Variants in ADGRB3 observed in about 807,000 individuals in gnomAD.
ADGRB3 encodes brain-specific angiogenesis inhibitor 3.
In ADGRB3, 37 loss-of-function variants were observed where a neutral mutation model predicts 193.4. That is an observed-to-expected ratio of 0.19 (90% CI 0.15 to 0.25). The LOEUF is 0.25. ADGRB3 is among the 10% of genes least tolerant of loss of function. ADGRB3 has a pLI of 1.00. For missense variants in ADGRB3, 1,637 were observed against 1,852.9 expected (o/e 0.88, Z 2.14); for synonymous variants, 690 against 644.2 (o/e 1.07, Z -1.08).
At chr6:68,691,689 A>G (rs1765075472) in intron 3 of ADGRB3, among the ~76,000 whole-genome samples, 1 of 151,890 alleles carries the variant, frequency 6.6e-6, no homozygotes, top group African/African-American at 2.4e-5. Flanking sequence ...TTTTCAGTAC[A>G]TATGAGCATC....
intron 26 of ADGRB3, among the ~76,000 whole-genome samples, chr6:69,344,713 G>C (rs35810215): frequency 0.16 from 25,067 of 152,116 alleles, 2,195 homozygotes; most frequent in Non-Finnish European, 0.18. Flanking sequence ...GTATATCTGT[G>C]CCTTCCTTTA....
At chr6:69,118,095 T>C (rs1773583907) in intron 17 of ADGRB3, among the ~76,000 whole-genome samples, 2 of 152,326 alleles carry the variant, frequency 1.3e-5, no homozygotes, top group African/African-American at 4.8e-5. Flanking sequence ...TTCTGGAGTC[T>C]AGGTATGGCC....
At chr6:69,233,548 C>T in intron 18 of ADGRB3, 132 bp downstream of exon 18, 1 of 1,206,858 alleles carries the variant, frequency 8.3e-7, no homozygotes, top group Non-Finnish European at 1.2e-6. Flanking sequence ...TCGTCTCCTC[C>T]TTAGCTATAG....
intron 20 of ADGRB3, among the ~76,000 whole-genome samples, chr6:69,286,540 A>T (rs991081984): frequency 6.6e-6 from 1 of 152,210 alleles, no homozygotes; most frequent in Non-Finnish European, 1.5e-5. Context: ...CTGGCAGGTG[A>T]TGCTAGAATG....
chr6:69,322,763 C>T (rs536726895), intron 20 of ADGRB3, among the ~76,000 whole-genome samples: 1 of 151,880 alleles, frequency 6.6e-6, no homozygotes, highest in African/African-American at 2.4e-5. Flanking sequence ...GCGACTTAAA[C>T]CTCTTTAGTC....
chr6:68,973,586 T>A (rs1404413676), intron 8 of ADGRB3, among the ~76,000 whole-genome samples: 2 of 152,220 alleles, frequency 1.3e-5, no homozygotes, highest in African/African-American at 2.4e-5. Context: ...ATTTAGGTAC[T>A]TAGTATTTTA....
intron 16 of ADGRB3, 49 bp from the exon 17 acceptor site, chr6:69,075,946 T>A: frequency 7.2e-7 from 1 of 1,386,856 alleles, no homozygotes; most frequent in Non-Finnish European, 1.0e-6. Context: ...CTCAATCTTT[T>A]TATATATGTA....
intron 13 of ADGRB3, among the ~76,000 whole-genome samples, chr6:69,026,782 G>A (rs1430586957): frequency 1.3e-5 from 2 of 152,116 alleles, no homozygotes; most frequent in African/African-American, 4.8e-5. Flanking sequence ...TGTAACACAA[G>A]GGTAAATACT....
intron 17 of ADGRB3, among the ~76,000 whole-genome samples, chr6:69,125,770 A>T (rs1037302048): frequency 6.6e-6 from 1 of 152,222 alleles, no homozygotes; most frequent in Non-Finnish European, 1.5e-5. Flanking sequence ...AATGAATTTG[A>T]AAGTTCTGTA....
chr6:69,039,263 A>C (rs1028358270), intron 13 of ADGRB3, among the ~76,000 whole-genome samples: 13 of 152,224 alleles, frequency 8.5e-5, no homozygotes, highest in African/African-American at 3.1e-4. Flanking sequence ...AAAAAAAAAA[A>C]AACATATGTT....
At chr6:69,251,833 A>G (rs1766629589) in intron 20 of ADGRB3, among the ~76,000 whole-genome samples, 1 of 152,134 alleles carries the variant, frequency 6.6e-6, no homozygotes, top group African/African-American at 2.4e-5. Flanking sequence ...GCAATGCATT[A>G]TTATCAACTA....
At chr6:68,773,156 A>T (rs1766672936) in intron 3 of ADGRB3, among the ~76,000 whole-genome samples, 1 of 151,548 alleles carries the variant, frequency 6.6e-6, no homozygotes, top group Non-Finnish European at 1.5e-5. Flanking sequence ...TGCCTGTCTT[A>T]TTTTTTCTCA....
At chr6:69,322,741 A>G (rs1768487061) in intron 20 of ADGRB3, among the ~76,000 whole-genome samples, 1 of 151,866 alleles carries the variant, frequency 6.6e-6, no homozygotes, top group African/African-American at 2.4e-5. Context: ...CTCTTTATAT[A>G]TGGTTAGTTT....
At chr6:69,092,889 AG>A (rs1451200720) in intron 17 of ADGRB3, among the ~76,000 whole-genome samples, 8 of 152,142 alleles carry the variant, frequency 5.3e-5, no homozygotes, top group Non-Finnish European at 7.3e-5. Context: ...GTGGTGTTAG[AG>A]CACTTACCTT....
intron 13 of ADGRB3, among the ~76,000 whole-genome samples, chr6:69,025,339 A>T (rs1187336719): frequency 1.3e-5 from 2 of 152,044 alleles, no homozygotes; most frequent in East Asian, 3.9e-4. Context: ...TAATAGAGAA[A>T]CCAACTTTCA....
intron 17 of ADGRB3, among the ~76,000 whole-genome samples, chr6:69,210,484 C>G (rs752361714): frequency 1.3e-5 from 2 of 152,130 alleles, no homozygotes; most frequent in Non-Finnish European, 2.9e-5. Context: ...TGGCAACGCC[C>G]TCACAGACAC....
At chr6:69,066,186 A>G (rs1033190387) in intron 16 of ADGRB3, among the ~76,000 whole-genome samples, 2 of 151,182 alleles carry the variant, frequency 1.3e-5, no homozygotes, top group African/African-American at 4.8e-5. Flanking sequence ...ATATATATTA[A>G]TATATAGTTA....
At position 68,850,174 on chromosome 6, in the gene ADGRB3, C is replaced by T. The variant is rs561086144; in HGVS notation, c.758-80385C>T. Reference sequence around the variant, plus strand: ...TATGTATATAACTGGATTCAGTGTGCCTCACCATTTCATTTTACCATGGAT... The same window carrying T: ...TATGTATATAACTGGATTCAGTGTGTCTCACCATTTCATTTTACCATGGAT... On this transcript the variant is annotated intron_variant, in intron 3 of 31. Transcript: ENST00000370598. 8.6e-5 allele frequency among the ~76,000 whole-genome samples: 13 copies of T among 151,526 alleles called. No individual in the cohort carries two copies. In the South Asian group the frequency reaches 2.7e-3, roughly 32 times the overall value.
At chr6:68,815,665 T>C (rs1034569657) in intron 3 of ADGRB3, among the ~76,000 whole-genome samples, 2 of 148,582 alleles carry the variant, frequency 1.3e-5, no homozygotes, top group African/African-American at 4.9e-5. Context: ...TTTGATGTAA[T>C]AGTTACACAA....
Sources: gnomAD v4.1 joint callset for allele counts (sites outside exome capture counted in the v4.1 genomes callset) on GRCh38, gnomAD v4.1.1 for gene constraint, MANE v1.5 for transcripts, NCBI Gene and HGNC (gene_info 2026-07-23, HGNC 2026-07-21) for gene names.